BIRC6: variants seen among roughly 807,000 people sequenced by gnomAD.
BIRC6 encodes baculoviral IAP repeat containing 6.
BIRC6 carries 98 observed loss-of-function variants against 503.3 expected under a neutral mutation model. That is an observed-to-expected ratio of 0.19 (90% confidence interval 0.17 to 0.23). The LOEUF (loss-of-function observed/expected upper bound fraction) is 0.23, where lower values mean the gene tolerates loss of function less well. Ranked by LOEUF, BIRC6 falls within the 10% of genes least tolerant of loss-of-function variation. The pLI, the probability that BIRC6 is intolerant of heterozygous loss-of-function variation, is 1.00. For synonymous variants in BIRC6, 2,240 were observed against 2,078.7 expected, an observed-to-expected ratio of 1.08 and a Z score of -2.11; for missense variants, 5,360 against 5,806.0, an observed-to-expected ratio of 0.92 and a Z score of 2.50.
chr2:32,552,646 T>C (rs549572093), intron 65 of BIRC6, among the ~76,000 whole-genome samples: 128 of 152,290 alleles, frequency 8.4e-4, no homozygotes, highest in Non-Finnish European at 1.5e-3. Context: ...TAGGCACTGA[T>C]TATGTTTAGT....
chr2:32,357,083 G>T lies in BIRC6; in HGVS notation c.-79G>T, dbSNP rs565034286. 4 of 1,267,226 alleles carry T rather than the reference G, an allele frequency of 3.2e-6. No individual in the cohort carries two copies. The highest frequency in any genetic ancestry group is 4.1e-6 in the Non-Finnish European group (4 of 964,136). 78.5% of individuals were successfully genotyped at this position (1,267,226 alleles called of 1,614,324 possible). On this transcript the variant is annotated 5_prime_UTR_variant, in exon 1 of 74. Transcript: ENST00000421745. The surrounding 1 kb of genome is among the most constrained non-coding windows in gnomAD (Gnocchi z 4.9). ...CCCTCCGAGTTTGGCCCCTCCGGCCGGGCGATCGACGTTCCGCGTGCGTGC... is the reference window on the plus strand; with the variant it reads ...CCCTCCGAGTTTGGCCCCTCCGGCCTGGCGATCGACGTTCCGCGTGCGTGC...
rs1271132966 is a variant in BIRC6, at chr2:32,357,041, C to T, written c.-121C>T. 2.3e-6 allele frequency: 2 copies of T among 888,124 alleles called. No individual in the cohort carries two copies. Among genetic ancestry groups the T allele is most frequent in the Non-Finnish European group, 3.2e-6 (2 of 627,648 alleles). The allele number at this position is 888,124 out of a possible 1,614,324, so 55.0% of individuals were successfully genotyped here. A position where few individuals can be genotyped will look rare whatever the true frequency, so the allele number is the denominator to read the frequency against. On this transcript the variant is annotated 5_prime_UTR_variant, in exon 1 of 74. Coordinates refer to ENST00000421745, the MANE Select transcript of BIRC6 (RefSeq NM_016252.4). The surrounding 1 kb of genome is among the most constrained non-coding windows in gnomAD (Gnocchi z 4.9). ...GCCCCGCCTCCCTCCCTGCTTCTCC[C>T]CCTCTCCCGTCAGCCTCCCTCCGAG... is the stretch of plus-strand genomic sequence containing the variant.
At chr2:32,414,743 C>G (rs765713368) in intron 9 of BIRC6, 26 bp from the exon 10 acceptor site, 4 of 1,564,544 alleles carry the variant, frequency 2.6e-6, no homozygotes, top group Non-Finnish European at 3.5e-6. Flanking sequence ...AGAAACATAT[C>G]TAATGAATAT....
At chr2:32,439,970 C>A (rs1057075944) in intron 16 of BIRC6, among the ~76,000 whole-genome samples, 1 of 152,180 alleles carries the variant, frequency 6.6e-6, no homozygotes, top group Non-Finnish European at 1.5e-5. Flanking sequence ...CCTCTGCCTC[C>A]CAGATTCAAG....
At chr2:32,585,292 T>A (rs781716464) in intron 66 of BIRC6, among the ~76,000 whole-genome samples, 1 of 152,222 alleles carries the variant, frequency 6.6e-6, no homozygotes, top group African/African-American at 2.4e-5. Context: ...ATGTTCTGAT[T>A]GACGACTTAG....
chr2:32,434,840 A>G (rs2044524035), intron 13 of BIRC6, among the ~76,000 whole-genome samples: 1 of 152,176 alleles, frequency 6.6e-6, no homozygotes, highest in South Asian at 2.1e-4. Flanking sequence ...AGCCTAGGTG[A>G]CAGAGTGAGA....
intron 57 of BIRC6, among the ~76,000 whole-genome samples, chr2:32,520,350 A>G (rs1378876848): frequency 1.3e-5 from 2 of 152,218 alleles, no homozygotes; most frequent in Non-Finnish European, 2.9e-5. Flanking sequence ...CCGTTTTACA[A>G]CTTATACAAT....
Position 32,618,226 on chromosome 2 carries a change from T to A in BIRC6, c.*322T>A, listed in dbSNP as rs938158011. 26 of 140,054 alleles carry A rather than the reference T, an allele frequency of 1.9e-4. No homozygotes were observed. Among genetic ancestry groups the A allele is most frequent in the Non-Finnish European group, 2.3e-4 (15 of 65,724 alleles). The allele number at this position is 140,054 out of a possible 1,614,324, so 8.7% of individuals were successfully genotyped here. ...ATGTTTACTGAATGTTTATTTTATTTTATTTTTTTTTTACTATAGAGTGAG... is the reference window on the plus strand; with the variant it reads ...ATGTTTACTGAATGTTTATTTTATTATATTTTTTTTTTACTATAGAGTGAG... On this transcript the variant is annotated 3_prime_UTR_variant, in exon 74 of 74. Transcript: ENST00000421745.
At chr2:32,450,347 T>G (rs2046559835) in intron 22 of BIRC6, among the ~76,000 whole-genome samples, 1 of 151,910 alleles carries the variant, frequency 6.6e-6, no homozygotes, top group African/African-American at 2.4e-5. Context: ...AATGCGGTGA[T>G]GGGCACCTGT....
chr2:32,483,297 A>C (rs537629613), intron 39 of BIRC6, among the ~76,000 whole-genome samples: 1 of 152,102 alleles, frequency 6.6e-6, no homozygotes, highest in Non-Finnish European at 1.5e-5. Context: ...TCCCTTTTCA[A>C]CGCTGCTCCT....
chr2:32,546,184 G>A (rs2058043436), intron 63 of BIRC6, among the ~76,000 whole-genome samples: 1 of 152,074 alleles, frequency 6.6e-6, no homozygotes, highest in African/African-American at 2.4e-5. Flanking sequence ...TATAGAATGG[G>A]GGTTGTGGGT....
chr2:32,400,336 CTT>C (rs746431747), intron 6 of BIRC6, among the ~76,000 whole-genome samples: 6 of 118,318 alleles, frequency 5.1e-5, no homozygotes, highest in Non-Finnish European at 7.1e-5. Context: ...GCTTTCAGAT[CTT>C]TTTTTTTTTT....
At chr2:32,398,189 C>A (rs554571954) in intron 6 of BIRC6, among the ~76,000 whole-genome samples, 1 of 152,330 alleles carries the variant, frequency 6.6e-6, no homozygotes, top group African/African-American at 2.4e-5. Flanking sequence ...TAGTAACTAG[C>A]AATTCCACTT....
intron 23 of BIRC6, among the ~76,000 whole-genome samples, chr2:32,460,701 A>G (rs1439171729): frequency 6.6e-6 from 1 of 151,612 alleles, no homozygotes; most frequent in Non-Finnish European, 1.5e-5. Flanking sequence ...AGGATGGCTT[A>G]TTTTTCCTTG....
At chr2:32,553,400 ATTT>A (rs1303271511) in intron 65 of BIRC6, among the ~76,000 whole-genome samples, 2 of 151,092 alleles carry the variant, frequency 1.3e-5, no homozygotes, top group East Asian at 3.9e-4. Flanking sequence ...TTTTTATTTT[ATTT>A]TTGAGACAGA....
intron 65 of BIRC6, among the ~76,000 whole-genome samples, chr2:32,555,526 T>C (rs555746899): frequency 6.6e-6 from 1 of 151,816 alleles, no homozygotes; most frequent in African/African-American, 2.4e-5. Flanking sequence ...TAATCCCAGC[T>C]ACTCAGGAGG....
At chr2:32,442,497 C>T in intron 19 of BIRC6, 42 bp downstream of exon 19, 1 of 1,533,852 alleles carries the variant, frequency 6.5e-7, no homozygotes, top group Non-Finnish European at 8.8e-7. Flanking sequence ...TCTAGGTACA[C>T]CTGCAATTTA....
chr2:32,604,406 A>G (rs2062288272), intron 71 of BIRC6, among the ~76,000 whole-genome samples: 1 of 152,210 alleles, frequency 6.6e-6, no homozygotes, highest in African/African-American at 2.4e-5. Flanking sequence ...TCCAGTTCAG[A>G]CAATCCAGTG....
At chr2:32,604,891 T>C (rs925117824) in intron 71 of BIRC6, among the ~76,000 whole-genome samples, 3 of 137,350 alleles carry the variant, frequency 2.2e-5, no homozygotes, top group African/African-American at 8.3e-5. Flanking sequence ...TTTTCTTTTC[T>C]TTTCTTTTTT....
Sources: allele counts gnomAD v4.1 joint callset (sites outside exome capture counted in the v4.1 genomes callset), GRCh38; gene constraint gnomAD v4.1.1; non-coding constraint Gnocchi (gnomAD v3.1); transcripts MANE v1.5; gene names NCBI Gene and HGNC (gene_info 2026-07-23, HGNC 2026-07-21).